The following LARP1B variants were observed in gnomAD, a reference collection of about 807,000 sequenced individuals.
LARP1B encodes the protein La ribonucleoprotein 1B, also known as la-related protein 1B.
LARP1B carries 76 observed loss-of-function variants against 114.2 expected under a neutral mutation model. That is an observed-to-expected ratio of 0.67 (90% CI 0.55 to 0.81). LARP1B has a LOEUF of 0.81. Among genes scored for constraint, LARP1B ranks in the 30% least tolerant of loss-of-function variants. The pLI is 0.00. For missense variants in LARP1B, 1,014 were observed against 1,075.8 expected, an observed-to-expected ratio of 0.94 and a Z score of 0.80; for synonymous variants, 345 against 348.0, an observed-to-expected ratio of 0.99 and a Z score of 0.10.
chr4:128,122,450 T>TTG, intron 11 of LARP1B: 1 of 1,512,366 alleles, frequency 6.6e-7, no homozygotes, highest in African/African-American at 1.4e-5. Context: ...TTTTTTTTTT[T>TTG]TTTGTTTTGT....
chr4:128,201,663 T>G (rs1391022509), intron 17 of LARP1B, among the ~76,000 whole-genome samples: 1 of 152,234 alleles, frequency 6.6e-6, no homozygotes, highest in Non-Finnish European at 1.5e-5. Flanking sequence ...CTAAATCCTA[T>G]TCTTTTTGTC....
chr4:128,208,210 C>T (rs1758092316), intron 19 of LARP1B, among the ~76,000 whole-genome samples: 1 of 151,734 alleles, frequency 6.6e-6, no homozygotes, highest in African/African-American at 2.4e-5. Context: ...CGTGTGTAAT[C>T]CCTGCTACTC....
At chr4:128,152,142 C>T (rs1733076714) in intron 11 of LARP1B, among the ~76,000 whole-genome samples, 2 of 151,112 alleles carry the variant, frequency 1.3e-5, no homozygotes, top group Admixed American at 6.6e-5. Flanking sequence ...AGTCTTTATT[C>T]AGTATTTTAG....
chr4:128,178,538 C>T lies in LARP1B; in HGVS notation c.1792C>T (p.Pro598Ser), dbSNP rs1747201979. 2 of 1,613,836 alleles carry T rather than the reference C, an allele frequency of 1.2e-6. No homozygotes were observed. Among genetic ancestry groups the T allele is most frequent in the South Asian group, 1.1e-5 (1 of 91,088 alleles). Residue 598 changes from proline to serine, a missense_variant, in exon 14 of 20, where the codon CCT becomes TCT. By Grantham distance (74) the Pro-to-Ser change is moderately conservative. Coordinates refer to ENST00000326639, the MANE Select transcript of LARP1B (RefSeq NM_018078.4). ...AGTTCCAGAATCTCCTAGAATTCAT[C>T]CTACAAGAACACCCAAAACACCTCG... is the stretch of plus-strand genomic sequence containing the variant. ...TAVPESPRIH[P>S]TRTPKTPRTP...
intron 11 of LARP1B, chr4:128,122,881 A>T (rs1251697463): frequency 1.0e-6 from 1 of 1,003,414 alleles, no homozygotes; most frequent in East Asian, 9.7e-5. Flanking sequence ...TTCCTTCAAT[A>T]TGAATTATAA....
chr4:128,155,713 C>G (rs530413233), intron 11 of LARP1B: 2 of 1,607,444 alleles, frequency 1.2e-6, no homozygotes, highest in Admixed American at 1.7e-5. Flanking sequence ...GGAGCGCCGC[C>G]GAGTAAGGCC....
Position 128,122,070 on chromosome 4 carries a change from C to T in LARP1B, c.1406C>T (p.Thr469Ile), listed in dbSNP as rs755964100. ...CATCCTGGAGGAGATCGAACAGGCACCCACATGTCTCGGGCAAAAATCACA... is the reference window on the plus strand; with the variant it reads ...CATCCTGGAGGAGATCGAACAGGCATCCACATGTCTCGGGCAAAAATCACA... ...KKHPGGDRTGTHMSRAKITSE... is the reference protein window; with the variant it reads ...KKHPGGDRTGIHMSRAKITSE... Residue 469 changes from threonine to isoleucine, a missense_variant, in exon 11 of 20, where the codon ACC (threonine) becomes ATC (isoleucine). Thr to Ile is a moderately conservative substitution (Grantham distance 89). Transcript: ENST00000326639. The T allele has an allele frequency of 6.2e-7, 1 of 1,614,032 alleles. No individual in the cohort carries two copies. Among genetic ancestry groups the T allele is most frequent in the South Asian group, 1.1e-5 (1 of 91,074 alleles).
At chr4:128,110,907 TTA>T (rs1241533701) in intron 9 of LARP1B, among the ~76,000 whole-genome samples, 2 of 151,940 alleles carry the variant, frequency 1.3e-5, no homozygotes, top group East Asian at 3.9e-4. Flanking sequence ...TAAATAACAT[TTA>T]GAGATAATTT....
intron 11 of LARP1B, among the ~76,000 whole-genome samples, chr4:128,136,274 CAG>C: frequency 6.8e-6 from 1 of 147,114 alleles, no homozygotes; most frequent in East Asian, 2.0e-4. Flanking sequence ...GTCTGGGAGA[CAG>C]AGCTAGACTC....
chr4:128,214,656 C>T (rs1759402314), downstream of LARP1B, among the ~76,000 whole-genome samples: 1 of 85,526 alleles, frequency 1.2e-5, no homozygotes, highest in African/African-American at 4.6e-5. Flanking sequence ...TCACCATCAT[C>T]AAAGACCAAA....
chr4:128,162,291 C>T lies in LARP1B; in HGVS notation c.1622C>T (p.Pro541Leu). The change falls in exon 12 of 20, where the codon CCT becomes CTT. Residue 541 changes from proline to leucine, a missense_variant. Coordinates refer to ENST00000326639, the MANE Select transcript of LARP1B (RefSeq NM_018078.4). ...CCTTTTGAGCCAAACCAAGAAGTTC[C>T]TGTAGCACCTTCACAGTCCAGGCAA... ...ELPFEPNQEV[P>L]VAPSQSRQGG... 1 of 1,613,092 alleles carries T rather than the reference C, an allele frequency of 6.2e-7. No homozygotes were observed. The highest frequency in any genetic ancestry group is 8.5e-7 in the Non-Finnish European group (1 of 1,179,342).
At chr4:128,108,549 T>C in intron 9 of LARP1B, 1 of 985,712 alleles carries the variant, frequency 1.0e-6, no homozygotes, top group Non-Finnish European at 1.2e-6. Context: ...AGTCTCACAC[T>C]ATTTTTATCA....
rs57747106 is a variant in LARP1B at position 128,191,214 on chromosome 4, T to C, written c.2004-8225T>C. On this transcript the variant is annotated intron_variant, in intron 15 of 19. Transcript: ENST00000326639. ...TTGCTGAGTGTCTGTAGAACTGTTATTTTGTTCTTGATCTGAGACCTCACA... is the reference window on the plus strand; with the variant it reads ...TTGCTGAGTGTCTGTAGAACTGTTACTTTGTTCTTGATCTGAGACCTCACA... 7.0e-3 allele frequency among the ~76,000 whole-genome samples: 1,067 copies of C among 152,314 alleles called. 16 individuals carry two copies. The highest frequency in any genetic ancestry group is 0.024 in the African/African-American group (1,006 of 41,564).
At chr4:128,100,513 C>G (rs1280948510) in intron 8 of LARP1B, among the ~76,000 whole-genome samples, 1 of 151,820 alleles carries the variant, frequency 6.6e-6, no homozygotes, top group Non-Finnish European at 1.5e-5. Context: ...ACCTTATGAT[C>G]TGCCCGCCTC....
intron 13 of LARP1B, among the ~76,000 whole-genome samples, chr4:128,177,649 A>T (rs1271964719): frequency 6.6e-6 from 1 of 152,232 alleles, no homozygotes; most frequent in Non-Finnish European, 1.5e-5. Flanking sequence ...ATGGAAGAAT[A>T]TTTAAGAGTT....
At chr4:128,209,256 T>TA (rs1177560121) in intron 19 of LARP1B, among the ~76,000 whole-genome samples, 1 of 152,074 alleles carries the variant, frequency 6.6e-6, no homozygotes, top group Non-Finnish European at 1.5e-5. Flanking sequence ...CCGTCTCTAC[T>TA]AAAAATACGA....
At chr4:128,149,948 C>T (rs951087091) in intron 11 of LARP1B, among the ~76,000 whole-genome samples, 2 of 152,096 alleles carry the variant, frequency 1.3e-5, no homozygotes, top group Non-Finnish European at 2.9e-5. Context: ...GTCAGGAGTT[C>T]GAGACCATCC....
At chr4:128,100,937 C>T (rs939930890) in intron 8 of LARP1B, among the ~76,000 whole-genome samples, 2 of 151,010 alleles carry the variant, frequency 1.3e-5, no homozygotes, top group South Asian at 4.2e-4. Flanking sequence ...CCTGCCTCAG[C>T]CTCCCGAGTA....
At chr4:128,183,828 A>G (rs1749405152) in intron 15 of LARP1B, among the ~76,000 whole-genome samples, 1 of 152,206 alleles carries the variant, frequency 6.6e-6, no homozygotes, top group Non-Finnish European at 1.5e-5. Context: ...AAGTCAAAAT[A>G]TCAACATTAA....
Sources: gnomAD v4.1 joint callset for allele counts (sites outside exome capture counted in the v4.1 genomes callset) on GRCh38, gnomAD v4.1.1 for gene constraint, MANE v1.5 for transcripts, NCBI Gene and HGNC (gene_info 2026-07-23, HGNC 2026-07-21) for gene names.